The following HOATZ variants were observed in gnomAD, a reference collection of about 807,000 sequenced individuals.
The protein encoded by HOATZ is cilia- and flagella-associated protein HOATZ.
HOATZ carries 26 observed loss-of-function variants against 24.9 expected under a neutral mutation model. That is an observed-to-expected ratio of 1.04 (90% CI 0.76 to 1.45). HOATZ has a LOEUF of 1.45. HOATZ is among the 40% of genes most tolerant of loss of function. The pLI is 0.00. For missense variants in HOATZ, 226 were observed against 201.5 expected, an observed-to-expected ratio of 1.12 and a Z score of -0.74; for synonymous variants, 83 against 76.6, an observed-to-expected ratio of 1.08 and a Z score of -0.43.
rs1445751966 is a variant in HOATZ, at chr11:111,526,430, CA to C, written c.340-7315del. 2.6e-5 allele frequency among the ~76,000 whole-genome samples: 4 copies of C among 152,046 alleles called. No homozygotes were observed. The East Asian group carries it at 7.7e-4, about 29-fold the overall frequency. On this transcript the variant is annotated intron_variant, in intron 3 of 5. Coordinates refer to ENST00000375618, the MANE Select transcript of HOATZ (RefSeq NM_001100388.2). ...GATCATGCAGGTAGATGAGAAAGAC[CA>C]GATAGATTGAAGGGATAGTTAGGAA...
intron 3 of HOATZ, 32 bp downstream of exon 3, chr11:111,516,142 A>AT (rs1334148958): frequency 7.7e-7 from 1 of 1,305,114 alleles, no homozygotes. Flanking sequence ...TCATCTGATC[A>AT]TCATTAAATT....
Position 111,534,418 on chromosome 11 carries a change from C to T in HOATZ, c.406C>T (p.Leu136=). Residue 136 remains leucine, a synonymous_variant, in exon 5 of 6, where the codon CTG becomes TTG. Transcript: ENST00000375618. The part of the protein sequence containing the change: ...KQREERISKE[L]ISLPYKPKAK... ...TTATTTTGTTTTGTTTCAGAAAGAA[C>T]TGATTTCCCTTCCGTATAAACCAAA... The T allele has an allele frequency of 1.2e-6, 2 of 1,610,146 alleles. No individual in the cohort carries two copies. The highest frequency in any genetic ancestry group is 1.7e-6 in the Non-Finnish European group (2 of 1,176,564).
rs571466596 is a variant in HOATZ at position 111,533,819 on chromosome 11, T to C, written c.399+14T>C. ...GAAAGGATCTCGGTGAGACCAATAG[T>C]GAGGCATTTGGATAATCTATCTGAG... On this transcript the variant is annotated intron_variant, in intron 4 of 5. Coordinates refer to ENST00000375618, the MANE Select transcript of HOATZ (RefSeq NM_001100388.2). 1.9e-6 allele frequency: 3 copies of C among 1,545,820 alleles called. No individual in the cohort carries two copies. The East Asian group carries it at 7.0e-5, about 36-fold the overall frequency.
intron 3 of HOATZ, among the ~76,000 whole-genome samples, chr11:111,529,275 C>T (rs1042880179): frequency 9.9e-5 from 15 of 152,148 alleles, no homozygotes; most frequent in African/African-American, 3.4e-4. Flanking sequence ...TTACTAAAGG[C>T]ATGATCACTC....
rs760469414 is a variant in HOATZ at position 111,536,916 on chromosome 11, C to A, written c.*89C>A. ...AGATCAGGATCATTGAGATCACTGGCAACATTATAGTAGACAAAGAAATAC... is the reference window on the plus strand; with the variant it reads ...AGATCAGGATCATTGAGATCACTGGAAACATTATAGTAGACAAAGAAATAC... On this transcript the variant is annotated 3_prime_UTR_variant, in exon 6 of 6. Coordinates refer to ENST00000375618, the MANE Select transcript of HOATZ (RefSeq NM_001100388.2). 9.8e-7 allele frequency: 1 copy of A among 1,017,810 alleles called. No individual in the cohort carries two copies. The highest frequency in any genetic ancestry group is 1.6e-6 in the Non-Finnish European group (1 of 644,874). 63.0% of individuals were successfully genotyped at this position (1,017,810 alleles called of 1,614,324 possible).
At chr11:111,515,313 T>C (rs540694069) in intron 1 of HOATZ, among the ~76,000 whole-genome samples, 198 bp from the exon 2 acceptor site, 10 of 152,280 alleles carry the variant, frequency 6.6e-5, no homozygotes, top group Admixed American at 3.3e-4. Flanking sequence ...TTTACATAGT[T>C]TAATTCAAAC....
At chr11:111,527,718 A>G (rs1565250812) in intron 3 of HOATZ, among the ~76,000 whole-genome samples, 1 of 152,248 alleles carries the variant, frequency 6.6e-6, no homozygotes, top group East Asian at 1.9e-4. Context: ...AACATAGCAG[A>G]TTTCAGTTAA....
chr11:111,536,721 C>T (rs1867454443), intron 5 of HOATZ, 49 bp from the exon 6 acceptor site: 1 of 1,416,232 alleles, frequency 7.1e-7, no homozygotes, highest in Non-Finnish European at 1.0e-6. Context: ...ATCATGTTCA[C>T]AATGGCGGAG....
Position 111,523,205 on chromosome 11 carries a change from CTTTTTTT to C in HOATZ, c.339+7112_339+7118del, listed in dbSNP as rs747393521. 2.6e-3 allele frequency among the ~76,000 whole-genome samples: 247 copies of C among 94,272 alleles called. 2 individuals carry two copies. The highest frequency in any genetic ancestry group is 0.024 in the Admixed American group (221 of 9,334). The allele number at this position is 94,272 out of a possible 152,430, so 61.8% of individuals were successfully genotyped here. ...TTTGTCATTTCATGCTAAGTGTTCA[CTTTTTTT>C]TTTTTTTTTTTTTTTTGGTGACTTT... On this transcript the variant is annotated intron_variant, in intron 3 of 5. Coordinates refer to ENST00000375618, the MANE Select transcript of HOATZ (RefSeq NM_001100388.2).
At chr11:111,518,478 T>C (rs1367667428) in intron 3 of HOATZ, among the ~76,000 whole-genome samples, 3 of 152,200 alleles carry the variant, frequency 2.0e-5, no homozygotes, top group Non-Finnish European at 4.4e-5. Flanking sequence ...TTGACATACA[T>C]CAACTCATAT....
chr11:111,521,681 A>G (rs1867270246), intron 3 of HOATZ, among the ~76,000 whole-genome samples: 1 of 152,246 alleles, frequency 6.6e-6, no homozygotes, highest in Non-Finnish European at 1.5e-5. Context: ...AAAGCATTCA[A>G]GTGGAAGAGT....
chr11:111,535,266 CA>C (rs1431009604), intron 5 of HOATZ: 2 of 152,076 alleles, frequency 1.3e-5, no homozygotes, highest in African/African-American at 4.8e-5. Context: ...ATCATTTAAT[CA>C]CCTAGCTATA....
intron 3 of HOATZ, among the ~76,000 whole-genome samples, chr11:111,532,967 C>A (rs959215637): frequency 2.0e-5 from 3 of 151,962 alleles, no homozygotes; most frequent in Admixed American, 1.3e-4. Flanking sequence ...TAGATGAATT[C>A]TGTGAAAAAA....
chr11:111,515,805 G>A (rs1006670349), intron 2 of HOATZ, among the ~76,000 whole-genome samples: 2 of 152,144 alleles, frequency 1.3e-5, no homozygotes, highest in African/African-American at 2.4e-5. Flanking sequence ...CTTGTCTCTG[G>A]ACTCGAGCTT....
chr11:111,515,498 T>A lies in HOATZ; in HGVS notation c.227-13T>A. 6.2e-7 allele frequency: 1 copy of A among 1,611,602 alleles called. No individual in the cohort carries two copies. Among genetic ancestry groups the A allele is most frequent in the Middle Eastern group, 1.7e-4 (1 of 6,026 alleles). ...TTCCAATGATTTCTTTACTTCCCTTTTGTATTTTTTAGAAAACAGCCACTC... is the reference window on the plus strand; with the variant it reads ...TTCCAATGATTTCTTTACTTCCCTTATGTATTTTTTAGAAAACAGCCACTC... On this transcript the variant is annotated splice_polypyrimidine_tract_variant and intron_variant, in intron 1 of 5. Coordinates refer to ENST00000375618, the MANE Select transcript of HOATZ (RefSeq NM_001100388.2).
At chr11:111,515,055 T>A in intron 1 of HOATZ, 45 bp downstream of exon 1, 1 of 1,429,652 alleles carries the variant, frequency 7.0e-7, no homozygotes, top group Non-Finnish European at 9.8e-7. Flanking sequence ...TGCCTCACCG[T>A]AACTGGCCTG....
At position 111,534,467 on chromosome 11, in the gene HOATZ, A is replaced by C; in HGVS notation, c.452+3A>C. The C allele has an allele frequency of 6.2e-7, 1 of 1,602,154 alleles. No homozygotes were observed. The highest frequency in any genetic ancestry group is 1.1e-5 in the South Asian group (1 of 90,790). On this transcript the variant is annotated splice_donor_region_variant and intron_variant, in intron 5 of 5. Transcript: ENST00000375618. ...AAAGCCAAAGAACACAAAGCAAAGT[A>C]AGTTTACCTATGTCAAAAATATTCT...
At chr11:111,526,212 G>C (rs902754382) in intron 3 of HOATZ, among the ~76,000 whole-genome samples, 2 of 152,188 alleles carry the variant, frequency 1.3e-5, no homozygotes, top group African/African-American at 2.4e-5. Context: ...TGGGAGGAAG[G>C]TTAGGCTCCA....
intron 3 of HOATZ, among the ~76,000 whole-genome samples, chr11:111,525,558 G>A (rs501560): frequency 0.83 from 127,044 of 152,166 alleles, 56,205 homozygotes; most frequent in East Asian, 1. Flanking sequence ...AGAAGCAACT[G>A]AAAACTCTGT....
Sources: gnomAD v4.1 joint callset for allele counts (sites outside exome capture counted in the v4.1 genomes callset) on GRCh38, gnomAD v4.1.1 for gene constraint, MANE v1.5 for transcripts, NCBI Gene and HGNC (gene_info 2026-07-23, HGNC 2026-07-21) for gene names.